GPC5: variants seen among roughly 807,000 people sequenced by gnomAD.
GPC5 encodes glypican-5.
Under a neutral mutation model 53.9 loss-of-function variants are expected in GPC5, and 47 were observed. The ratio of observed to expected loss-of-function variants is 0.87; its 90% CI spans 0.69 to 1.11. GPC5 has a LOEUF of 1.11. Among genes scored for constraint, GPC5 ranks in the 50% most tolerant of loss-of-function variants. The pLI is 0.00. For synonymous variants in GPC5, 286 were observed against 263.3 expected (o/e 1.09, Z -0.84); for missense variants, 748 against 713.1 (o/e 1.05, Z -0.56).
rs984599839 is a variant in GPC5 at position 91,736,505 on chromosome 13, C to A, written c.1154+7840C>A. ...TTATACTGTATTGTAGATACAGTGACCATCCACACAGAGATAAAATATAAA... is the reference window on the plus strand; with the variant it reads ...TTATACTGTATTGTAGATACAGTGAACATCCACACAGAGATAAAATATAAA... On this transcript the variant is annotated intron_variant, in intron 4 of 7. Coordinates refer to ENST00000377067, the MANE Select transcript of GPC5 (RefSeq NM_004466.6). Among the ~76,000 whole-genome samples, 65 of 150,694 alleles carry A rather than the reference C, an allele frequency of 4.3e-4. 4 individuals are homozygous for A. The highest frequency in any genetic ancestry group is 1.6e-3 in the African/African-American group (63 of 40,350).
Position 91,551,024 on chromosome 13 carries a change from G to T in GPC5, c.325+102102G>T, listed in dbSNP as rs543411404. 3.3e-5 allele frequency among the ~76,000 whole-genome samples: 5 copies of T among 152,192 alleles called. No homozygotes were observed. In the South Asian group the frequency reaches 6.2e-4, roughly 19 times the overall value. On this transcript the variant is annotated intron_variant, in intron 2 of 7. Coordinates refer to ENST00000377067, the MANE Select transcript of GPC5 (RefSeq NM_004466.6). ...GAGTGTGTCTTTATTAGCAGTGTGA[G>T]AACTGACTAATACATCTAGTTTTCT...
intron 7 of GPC5, among the ~76,000 whole-genome samples, chr13:92,733,875 AT>A (rs1001458425): frequency 2.9e-4 from 44 of 151,710 alleles, no homozygotes; most frequent in Admixed American, 2.3e-3. Flanking sequence ...GTCTCTATGC[AT>A]TTTTTTAACT....
chr13:92,568,876 C>T lies in GPC5; in HGVS notation c.1562-297406C>T, dbSNP rs184694159. On this transcript the variant is annotated intron_variant, in intron 7 of 7. Transcript: ENST00000377067. ...GAAGGTATGTACTGTCTCTGCTCTC[C>T]CTCTAGGTCAGGCATATTCTATACT... Among the ~76,000 whole-genome samples the T allele has an allele frequency of 3.7e-3, 561 of 152,128 alleles. 1 individual carries two copies. Among genetic ancestry groups the T allele is most frequent in the Non-Finnish European group, 6.1e-3 (418 of 67,992 alleles).
At chr13:91,425,641 C>T (rs60707409) in intron 1 of GPC5, among the ~76,000 whole-genome samples, 2 of 152,182 alleles carry the variant, frequency 1.3e-5, no homozygotes, top group African/African-American at 4.8e-5. Context: ...GTCAATTAAA[C>T]TTCTTTTCTT....
chr13:91,509,013 T>C (rs762480218), intron 2 of GPC5, among the ~76,000 whole-genome samples: 15 of 152,124 alleles, frequency 9.9e-5, no homozygotes, highest in Non-Finnish European at 2.1e-4. Context: ...AAATGTGTCA[T>C]AGACAGTCTG....
chr13:92,379,916 G>T (rs527352803), intron 7 of GPC5, among the ~76,000 whole-genome samples: 9 of 152,086 alleles, frequency 5.9e-5, no homozygotes, highest in Non-Finnish European at 1.3e-4. Flanking sequence ...TTAGTAGCAG[G>T]TACTATTAGT....
At chr13:92,556,960 T>C (rs1181873936) in intron 7 of GPC5, among the ~76,000 whole-genome samples, 1 of 151,872 alleles carries the variant, frequency 6.6e-6, no homozygotes, top group Non-Finnish European at 1.5e-5. Flanking sequence ...CATTGCCAGC[T>C]CTAAAACAAG....
chr13:92,739,663 T>A (rs572252402), intron 7 of GPC5, among the ~76,000 whole-genome samples: 1 of 151,454 alleles, frequency 6.6e-6, no homozygotes, highest in East Asian at 2.0e-4. Flanking sequence ...AATTTTTCTT[T>A]CTCTTCTGCA....
intron 6 of GPC5, among the ~76,000 whole-genome samples, chr13:92,061,786 C>T (rs868504750): frequency 1.3e-5 from 2 of 151,838 alleles, no homozygotes; most frequent in Non-Finnish European, 1.5e-5. Flanking sequence ...CTCTTAGGAT[C>T]CATTACTAAA....
chr13:92,782,556 G>A (rs1281640419), intron 7 of GPC5, among the ~76,000 whole-genome samples: 1 of 152,142 alleles, frequency 6.6e-6, no homozygotes, highest in Non-Finnish European at 1.5e-5. Flanking sequence ...ATATCATTGT[G>A]AGCGGAGCAG....
chr13:92,232,931 A>G (rs949898099), intron 7 of GPC5, among the ~76,000 whole-genome samples: 2 of 152,184 alleles, frequency 1.3e-5, no homozygotes, highest in Admixed American at 1.3e-4. Flanking sequence ...ACTTGACCCA[A>G]AGAACTTCTT....
At chr13:91,989,106 T>G (rs2040434628) in intron 6 of GPC5, among the ~76,000 whole-genome samples, 1 of 152,146 alleles carries the variant, frequency 6.6e-6, no homozygotes, top group Non-Finnish European at 1.5e-5. Context: ...CATCCTTCAT[T>G]TGGGAACCTG....
chr13:92,423,067 G>T (rs1043529985), intron 7 of GPC5, among the ~76,000 whole-genome samples: 1 of 151,148 alleles, frequency 6.6e-6, no homozygotes, highest in Non-Finnish European at 1.5e-5. Context: ...GTGAGGTCCC[G>T]CTTCCTGGTT....
At chr13:92,571,836 C>CA (rs1482765515) in intron 7 of GPC5, among the ~76,000 whole-genome samples, 37 of 152,046 alleles carry the variant, frequency 2.4e-4, no homozygotes, top group Non-Finnish European at 2.5e-4. Flanking sequence ...ACCAGGAGTT[C>CA]AAGACTAGCC....
intron 7 of GPC5, among the ~76,000 whole-genome samples, chr13:92,718,113 TAGCACAGCTACTATGG>T (rs1454985213): frequency 1.3e-5 from 2 of 152,196 alleles, no homozygotes; most frequent in Non-Finnish European, 2.9e-5. Context: ...GAATGTAAAT[TAGCACAGCTACTATGG>T]AAAACAGTAT....
intron 7 of GPC5, among the ~76,000 whole-genome samples, chr13:92,308,638 A>G (rs2043126612): frequency 6.6e-6 from 1 of 152,118 alleles, no homozygotes; most frequent in African/African-American, 2.4e-5. Context: ...AGAGCTCAAT[A>G]AGGTTTTTTG....
At chr13:92,198,516 T>C (rs1217269810) in intron 7 of GPC5, among the ~76,000 whole-genome samples, 1 of 152,202 alleles carries the variant, frequency 6.6e-6, no homozygotes, top group Non-Finnish European at 1.5e-5. Context: ...GCTCAAATAT[T>C]ATTCTTGCTT....
chr13:92,317,521 TCTCACTCTGTTGTCCAGGCTGAAG>T (rs2043187508), intron 7 of GPC5, among the ~76,000 whole-genome samples: 2 of 152,160 alleles, frequency 1.3e-5, no homozygotes, highest in African/African-American at 2.4e-5. Context: ...TGAGACGCAA[TCTCACTCTGTTGTCCAGGCTGAAG>T]TGCAGTGGTG....
rs564851432 is a variant in GPC5 at position 91,626,069 on chromosome 13, T to C, written c.326-67118T>C. Among the ~76,000 whole-genome samples, 7 of 152,254 alleles carry C rather than the reference T, an allele frequency of 4.6e-5. No homozygotes were observed. In the South Asian group the frequency reaches 6.2e-4, roughly 14 times the overall value. On this transcript the variant is annotated intron_variant, in intron 2 of 7. Transcript: ENST00000377067. ...TACTCTAAAACAATATCTGGTTTTCTAAGAAGCAATAACTGGTTTCCTAAG... is the reference window on the plus strand; with the variant it reads ...TACTCTAAAACAATATCTGGTTTTCCAAGAAGCAATAACTGGTTTCCTAAG...
Sources: allele counts gnomAD v4.1 joint callset (sites outside exome capture counted in the v4.1 genomes callset), GRCh38; gene constraint gnomAD v4.1.1; transcripts MANE v1.5; gene names NCBI Gene and HGNC (gene_info 2026-07-23, HGNC 2026-07-21).